The following STK32B variants were observed in gnomAD, a reference collection of about 807,000 sequenced individuals.
STK32B encodes the protein serine/threonine-protein kinase 32B.
Under a neutral mutation model 52.6 loss-of-function variants are expected in STK32B, and 43 were observed. That is an observed-to-expected ratio of 0.82 (90% CI 0.64 to 1.05). STK32B has a LOEUF of 1.05. Ranked by LOEUF, STK32B falls within the 50% of genes least tolerant of loss-of-function variation. STK32B has a pLI of 0.00. For synonymous variants in STK32B, 238 were observed against 204.3 expected, an observed-to-expected ratio of 1.17 and a Z score of -1.41; for missense variants, 621 against 534.6, an observed-to-expected ratio of 1.16 and a Z score of -1.59.
intron 3 of STK32B, among the ~76,000 whole-genome samples, chr4:5,217,290 G>A (rs1723235446): frequency 6.6e-6 from 1 of 152,188 alleles, no homozygotes; most frequent in Non-Finnish European, 1.5e-5. Flanking sequence ...AAATACCACT[G>A]ACCTGTAGAA....
Position 5,399,712 on chromosome 4 carries a change from G to T in STK32B, c.472+1468G>T, listed in dbSNP as rs566022060. ...CCAGTGGCTGTACCTCCGTGTCTCAGCCTTCCCAGCAGCGATGCAGAAGTA... is the reference window on the plus strand; with the variant it reads ...CCAGTGGCTGTACCTCCGTGTCTCATCCTTCCCAGCAGCGATGCAGAAGTA... On this transcript the variant is annotated intron_variant, in intron 5 of 11. Transcript: ENST00000282908. The surrounding 1 kb of genome is among the most constrained non-coding windows in gnomAD (Gnocchi z 5.4). Among the ~76,000 whole-genome samples, 1 of 152,298 alleles carries T rather than the reference G, an allele frequency of 6.6e-6. No homozygotes were observed. Among genetic ancestry groups the T allele is most frequent in the East Asian group, 1.9e-4 (1 of 5,172 alleles).
At chr4:5,488,831 C>T (rs751569344) in intron 11 of STK32B, among the ~76,000 whole-genome samples, 10 of 151,986 alleles carry the variant, frequency 6.6e-5, no homozygotes, top group African/African-American at 9.7e-5. Context: ...TATTTTCTTG[C>T]TAGATTTATA....
At chr4:5,152,554 C>G (rs974834293) in intron 2 of STK32B, among the ~76,000 whole-genome samples, 1 of 152,232 alleles carries the variant, frequency 6.6e-6, no homozygotes, top group Non-Finnish European at 1.5e-5. Flanking sequence ...AGCCACTCAC[C>G]CCGGTGGGCT....
At chr4:5,168,935 C>T (rs1264662486) in intron 3 of STK32B, among the ~76,000 whole-genome samples, 1 of 152,210 alleles carries the variant, frequency 6.6e-6, no homozygotes, top group Non-Finnish European at 1.5e-5. Flanking sequence ...ACTTTCACTC[C>T]AACCCGTCCT....
At chr4:5,045,599 T>C in the STK32B span, among the ~76,000 whole-genome samples, 1 of 152,190 alleles carries the variant, frequency 6.6e-6, no homozygotes, top group Non-Finnish European at 1.5e-5. Flanking sequence ...TGAGCAGTGG[T>C]TTGTAGTTCT....
At chr4:5,147,037 A>G (rs562374286) in intron 2 of STK32B, among the ~76,000 whole-genome samples, 3 of 152,228 alleles carry the variant, frequency 2.0e-5, no homozygotes, top group East Asian at 1.9e-4. Flanking sequence ...ATCCATGGAC[A>G]TGGTATATCT....
chr4:5,082,352 A>G (rs564071243), intron 1 of STK32B, among the ~76,000 whole-genome samples: 191 of 152,306 alleles, frequency 1.3e-3, no homozygotes, highest in African/African-American at 4.0e-3. Flanking sequence ...CAGGTGGCCA[A>G]CTTCAGGGCA....
At chr4:5,293,452 T>C (rs1040915538) in intron 3 of STK32B, among the ~76,000 whole-genome samples, 15 of 152,236 alleles carry the variant, frequency 9.9e-5, no homozygotes, top group Admixed American at 6.5e-4. Flanking sequence ...CCAGCATCTG[T>C]TGTTTCCTGA....
chr4:5,459,992 G>C, intron 8 of STK32B, 111 bp from the exon 9 acceptor site: 2 of 1,489,812 alleles, frequency 1.3e-6, no homozygotes, highest in Non-Finnish European at 1.8e-6. Flanking sequence ...AACATCAATA[G>C]AGCGTGAAGA....
chr4:5,496,025 G>GGTCAGGA (rs1720212039), intron 11 of STK32B, among the ~76,000 whole-genome samples: 1 of 152,188 alleles, frequency 6.6e-6, no homozygotes, highest in East Asian at 1.9e-4. Context: ...CGGGGGCAGG[G>GGTCAGGA]GTCAGGGACC....
intron 3 of STK32B, among the ~76,000 whole-genome samples, chr4:5,306,110 G>C (rs1165782890): frequency 3.3e-5 from 5 of 152,040 alleles, no homozygotes; most frequent in Admixed American, 3.3e-4. Context: ...GTTGAGGCTT[G>C]TTTGTGGTCT....
chr4:5,399,298 C>T lies in STK32B; in HGVS notation c.472+1054C>T, dbSNP rs549512690. On this transcript the variant is annotated intron_variant, in intron 5 of 11. Transcript: ENST00000282908. This position sits in a 1 kb window ranked among gnomAD's most constrained non-coding sequence, Gnocchi z 5.4. ...TGAGTCACATTTTCTACGCAGCTCC[C>T]CCACCCTCCTTCCCCACCTCTGCAG... Among the ~76,000 whole-genome samples the T allele has an allele frequency of 2.8e-4, 42 of 152,244 alleles. No homozygotes were observed. Among genetic ancestry groups the T allele is most frequent in the Admixed American group, 1.5e-3 (23 of 15,298 alleles).
At chr4:5,190,348 C>T (rs1001291177) in intron 3 of STK32B, among the ~76,000 whole-genome samples, 1 of 152,154 alleles carries the variant, frequency 6.6e-6, no homozygotes, top group Non-Finnish European at 1.5e-5. Context: ...CGTTCTTCAC[C>T]AGACCCCTGT....
rs3072775 is a variant in STK32B, at chr4:5,059,052, C to CTTTTTTTTTTTTTTTTTTTTTTTT, written c.52+7143_52+7166dup. Among the ~76,000 whole-genome samples the CTTTTTTTTTTTTTTTTTTTTTTTT allele has an allele frequency of 1.3e-4, 11 of 86,892 alleles. 1 individual carries two copies. Among genetic ancestry groups the CTTTTTTTTTTTTTTTTTTTTTTTT allele is most frequent in the Admixed American group, 2.9e-4 (2 of 6,794 alleles). The allele number at this position is 86,892 out of a possible 152,430, so 57.0% of individuals were successfully genotyped here. ...AGGCGTGAGCCACCACGCCCAGCTG[C>CTTTTTTTTTTTTTTTTTTTTTTTT]TTTTTTTTTTTTTTTTTTTTTTTTT... On this transcript the variant is annotated intron_variant, in intron 1 of 11. Transcript: ENST00000282908.
At chr4:5,132,224 G>A (rs1227815441) in intron 1 of STK32B, among the ~76,000 whole-genome samples, 1 of 152,148 alleles carries the variant, frequency 6.6e-6, no homozygotes, top group Non-Finnish European at 1.5e-5. Flanking sequence ...GAATAGTGCT[G>A]CAGTGGACAT....
chr4:5,400,631 G>GA lies in STK32B; in HGVS notation c.472+2391dup, dbSNP rs1737231623. On this transcript the variant is annotated intron_variant, in intron 5 of 11. Transcript: ENST00000282908. The surrounding 1 kb of genome is among the most constrained non-coding windows in gnomAD (Gnocchi z 6.1). ...AATGAGTGGCTTTGCAGGTGGTACA[G>GA]AAAAGAAATTTAGGAGCAGGGAATT... is the stretch of plus-strand genomic sequence containing the variant. 6.6e-6 allele frequency among the ~76,000 whole-genome samples: 1 copy of GA among 152,192 alleles called. No homozygotes were observed. Among genetic ancestry groups the GA allele is most frequent in the African/African-American group, 2.4e-5 (1 of 41,452 alleles).
At chr4:5,366,085 C>G (rs1010246779) in intron 4 of STK32B, among the ~76,000 whole-genome samples, 5 of 151,904 alleles carry the variant, frequency 3.3e-5, no homozygotes, top group African/African-American at 1.2e-4. Context: ...ACTAGGCCAA[C>G]CTGTCAATGG....
rs144039836 is a variant in STK32B at position 5,380,366 on chromosome 4, C to T, written c.435-17841C>T. On this transcript the variant is annotated intron_variant, in intron 4 of 11. Coordinates refer to ENST00000282908, the MANE Select transcript of STK32B (RefSeq NM_018401.3). This position sits in a 1 kb window ranked among gnomAD's most constrained non-coding sequence, Gnocchi z 4.3. ...ACCCAAGAGAATGCAAAAGGCCAGGCTTCTGCATTTAAAATTATACTATGA... is the reference window on the plus strand; with the variant it reads ...ACCCAAGAGAATGCAAAAGGCCAGGTTTCTGCATTTAAAATTATACTATGA... 6.6e-6 allele frequency among the ~76,000 whole-genome samples: 1 copy of T among 152,174 alleles called. No individual in the cohort carries two copies. The highest frequency in any genetic ancestry group is 1.5e-5 in the Non-Finnish European group (1 of 68,038).
intron 11 of STK32B, among the ~76,000 whole-genome samples, chr4:5,492,740 G>A (rs1044265887): frequency 6.6e-6 from 1 of 151,290 alleles, no homozygotes; most frequent in African/African-American, 2.5e-5. Context: ...ACTATTTTGA[G>A]ATACGTCCCA....
Sources: gnomAD v4.1 joint callset for allele counts (sites outside exome capture counted in the v4.1 genomes callset) on GRCh38, gnomAD v4.1.1 for gene constraint, Gnocchi (gnomAD v3.1) non-coding constraint, MANE v1.5 for transcripts, NCBI Gene and HGNC (gene_info 2026-07-23, HGNC 2026-07-21) for gene names.